The following USH2A variants were observed in gnomAD, a reference collection of about 807,000 sequenced individuals.
The protein encoded by USH2A is usherin, also known as Usher syndrome 2A (autosomal recessive, mild).
Under a neutral mutation model 538.9 loss-of-function variants are expected in USH2A, and 443 were observed. The ratio of observed to expected loss-of-function variants is 0.82; its 90% CI spans 0.76 to 0.89. The LOEUF is 0.89. Ranked by LOEUF, USH2A falls within the 40% of genes least tolerant of loss-of-function variation. USH2A has a pLI of 0.00. For missense variants in USH2A, 6,633 were observed against 6,324.8 expected (o/e 1.05, Z -1.65); for synonymous variants, 2,413 against 2,273.5 (o/e 1.06, Z -1.75).
chr1:215,922,395 C>T (rs148276022), intron 38 of USH2A, among the ~76,000 whole-genome samples: 6 of 152,182 alleles, frequency 3.9e-5, no homozygotes, highest in Middle Eastern at 3.4e-3. Flanking sequence ...GTGAGCAACA[C>T]GATGGCTTTC....
intron 38 of USH2A, among the ~76,000 whole-genome samples, chr1:215,921,300 G>C (rs1473855643): frequency 6.6e-6 from 1 of 151,970 alleles, no homozygotes; most frequent in Non-Finnish European, 1.5e-5. Context: ...CAACTGGTTG[G>C]TTTCTTTGCC....
chr1:216,114,782 C>G (rs1322965577), intron 21 of USH2A, among the ~76,000 whole-genome samples: 1 of 152,096 alleles, frequency 6.6e-6, no homozygotes, highest in Non-Finnish European at 1.5e-5. Flanking sequence ...TGAAATGCCA[C>G]CAGATGCCAT....
chr1:216,218,490 T>A (rs1265679826), intron 14 of USH2A, among the ~76,000 whole-genome samples: 2 of 152,108 alleles, frequency 1.3e-5, no homozygotes, highest in African/African-American at 2.4e-5. Flanking sequence ...TGGATTCACC[T>A]ATATATTCTA....
chr1:215,957,631 C>T (rs1344920747), intron 37 of USH2A, among the ~76,000 whole-genome samples: 1 of 152,106 alleles, frequency 6.6e-6, no homozygotes, highest in Non-Finnish European at 1.5e-5. Flanking sequence ...AATAGACCAA[C>T]GACAAGCCAC....
chr1:215,788,664 A>G (rs1177934687), intron 51 of USH2A, among the ~76,000 whole-genome samples: 1 of 152,216 alleles, frequency 6.6e-6, no homozygotes, highest in Non-Finnish European at 1.5e-5. Context: ...AAGAGCTTTC[A>G]TAGGAAAAGA....
chr1:216,398,567 C>CACACAT (rs2039256073), intron 3 of USH2A, among the ~76,000 whole-genome samples: 2 of 152,052 alleles, frequency 1.3e-5, no homozygotes, highest in African/African-American at 4.8e-5. Flanking sequence ...CACACACACA[C>CACACAT]ACTCTCTCCC....
intron 64 of USH2A, among the ~76,000 whole-genome samples, chr1:215,656,101 G>A (rs1315449074): frequency 1.3e-5 from 2 of 152,176 alleles, no homozygotes; most frequent in Non-Finnish European, 2.9e-5. Flanking sequence ...ATTCCCATAA[G>A]GGGGACAAAT....
At chr1:215,915,700 G>A (rs566259036) in intron 38 of USH2A, among the ~76,000 whole-genome samples, 2 of 151,974 alleles carry the variant, frequency 1.3e-5, no homozygotes, top group African/African-American at 4.8e-5. Context: ...TATACCCAAA[G>A]GACTATAAAT....
intron 15 of USH2A, among the ~76,000 whole-genome samples, chr1:216,216,274 T>C (rs1209110653): frequency 6.6e-6 from 1 of 152,106 alleles, no homozygotes; most frequent in Non-Finnish European, 1.5e-5. Flanking sequence ...TTACTTATAC[T>C]GAAATCCAGA....
intron 1 of USH2A, 33 bp downstream of exon 1, chr1:216,423,181 C>T (rs1326803433): frequency 1.3e-5 from 2 of 152,112 alleles, no homozygotes; most frequent in African/African-American, 4.8e-5. Flanking sequence ...TAATACTGTG[C>T]AAGTAATTGT....
At position 215,650,687 on chromosome 1, in the gene USH2A, G is replaced by A. The variant is rs727504867; in HGVS notation, c.14248C>T (p.Gln4750Ter). 1 of 1,614,050 alleles carries A rather than the reference G, an allele frequency of 6.2e-7. No individual in the cohort carries two copies. Residue 4750 changes from glutamine to a stop codon, truncating the protein, a stop_gained, in exon 65 of 72, where the codon CAA becomes TAA. Coordinates refer to ENST00000307340, the MANE Select transcript of USH2A (RefSeq NM_206933.4). LOFTEE classifies it high-confidence loss of function. The stretch of plus-strand genomic sequence containing the variant: ...GGGGCACTGATGTTGACCACTGCTT[G>A]GGTAGAAGAGATCACATGGAACGTG... Reference protein sequence around the residue: ...APTFHVISSTQAVVNISAPGK... With the variant: ...APTFHVISST
chr1:215,820,010 A>G lies in USH2A; in HGVS notation c.9372-2815T>C, dbSNP rs529148785. 2.0e-5 allele frequency among the ~76,000 whole-genome samples: 3 copies of G among 151,892 alleles called. No homozygotes were observed. The South Asian group carries it at 6.2e-4, about 31-fold the overall frequency. On this transcript the variant is annotated intron_variant, in intron 47 of 71. Transcript: ENST00000307340. Reference sequence around the variant, plus strand: ...GCTTTGATGTTTAAGAGTAAAATAGAAGGAACATTCTTCAATCCCAGGAAT... The same window carrying G: ...GCTTTGATGTTTAAGAGTAAAATAGGAGGAACATTCTTCAATCCCAGGAAT...
intron 46 of USH2A, 44 bp downstream of exon 46, chr1:215,844,250 T>G: frequency 6.3e-7 from 1 of 1,590,946 alleles, no homozygotes; most frequent in Non-Finnish European, 8.6e-7. Context: ...CATGTTTTAT[T>G]TAACATATCC....
intron 13 of USH2A, among the ~76,000 whole-genome samples, chr1:216,234,042 CTAATT>C (rs2035756914): frequency 6.6e-6 from 1 of 152,038 alleles, no homozygotes; most frequent in Non-Finnish European, 1.5e-5. Flanking sequence ...TGTCATGACA[CTAATT>C]TAAAGTTCAT....
intron 69 of USH2A, among the ~76,000 whole-genome samples, chr1:215,635,497 G>C (rs1656448548): frequency 6.6e-6 from 1 of 151,952 alleles, no homozygotes; most frequent in Admixed American, 6.6e-5. Context: ...CCTATGCTTA[G>C]AGCTTTACAG....
intron 14 of USH2A, among the ~76,000 whole-genome samples, chr1:216,222,301 C>A (rs2035472200): frequency 6.6e-6 from 1 of 152,156 alleles, no homozygotes; most frequent in Admixed American, 6.6e-5. Context: ...AGCAGGAAAG[C>A]AACCACAGAA....
intron 16 of USH2A, among the ~76,000 whole-genome samples, chr1:216,202,906 A>C (rs1383582498): frequency 6.6e-6 from 1 of 152,066 alleles, no homozygotes; most frequent in Non-Finnish European, 1.5e-5. Flanking sequence ...TGCTTCCTTA[A>C]CACCCCAAGT....
intron 22 of USH2A, among the ~76,000 whole-genome samples, chr1:216,092,433 T>C (rs571888191): frequency 7.9e-5 from 12 of 152,326 alleles, no homozygotes; most frequent in African/African-American, 2.4e-4. Flanking sequence ...GTATTTAAAA[T>C]ATAAATAAAT....
chr1:216,373,066 T>A (rs948674218), intron 3 of USH2A, among the ~76,000 whole-genome samples: 1 of 152,322 alleles, frequency 6.6e-6, no homozygotes, highest in East Asian at 1.9e-4. Context: ...CTGCTCTTCA[T>A]ACTCTCACTA....
Sources: allele counts gnomAD v4.1 joint callset (sites outside exome capture counted in the v4.1 genomes callset), GRCh38; gene constraint gnomAD v4.1.1; transcripts MANE v1.5; gene names NCBI Gene and HGNC (gene_info 2026-07-23, HGNC 2026-07-21).